Variants in PAQR5 observed in about 807,000 individuals in gnomAD.
The protein encoded by PAQR5 is membrane progestin receptor gamma.
A neutral mutation model predicts 34.5 loss-of-function variants in PAQR5; 20 were observed. That is an observed-to-expected ratio of 0.58 (90% confidence interval 0.41 to 0.84). PAQR5 has a LOEUF of 0.84. PAQR5 is among the 40% of genes least tolerant of loss of function. PAQR5 has a pLI of 0.00. For missense variants in PAQR5, 378 were observed against 412.7 expected, an observed-to-expected ratio of 0.92 and a Z score of 0.73; for synonymous variants, 131 against 155.6, an observed-to-expected ratio of 0.84 and a Z score of 1.18.
intron 3 of PAQR5, among the ~76,000 whole-genome samples, chr15:69,369,013 C>T (rs907921629): frequency 1.4e-4 from 22 of 152,204 alleles, no homozygotes; most frequent in African/African-American, 5.3e-4. Context: ...CTCAAGAAAT[C>T]CACCCACCAC....
At chr15:69,375,590 C>T (rs1029465852) in intron 3 of PAQR5, among the ~76,000 whole-genome samples, 5 of 152,240 alleles carry the variant, frequency 3.3e-5, no homozygotes, top group South Asian at 4.1e-4. Flanking sequence ...CCTCCCCAGG[C>T]GGAGCAATGA....
intron 1 of PAQR5, among the ~76,000 whole-genome samples, chr15:69,324,543 T>C (rs1415959193): frequency 2.0e-5 from 3 of 152,172 alleles, no homozygotes; most frequent in Non-Finnish European, 4.4e-5. Flanking sequence ...GGGTTTGAAA[T>C]TAGGCTGCAT....
chr15:69,399,781 C>T (rs1211568208), intron 7 of PAQR5, among the ~76,000 whole-genome samples, 193 bp from the exon 8 acceptor site: 3 of 152,212 alleles, frequency 2.0e-5, no homozygotes, highest in East Asian at 3.9e-4. Context: ...GCTCTGCTCA[C>T]ATGGTGCCTG....
At position 69,404,241 on chromosome 15, in the gene PAQR5, C is replaced by T. The variant is rs2056718431; in HGVS notation, c.*419C>T. 1 of 173,666 alleles carries T rather than the reference C, an allele frequency of 5.8e-6. No individual in the cohort carries two copies. The highest frequency in any genetic ancestry group is 1.2e-5 in the Non-Finnish European group (1 of 82,278). The allele number at this position is 173,666 out of a possible 1,614,324, so 10.8% of individuals were successfully genotyped here. A position where few individuals can be genotyped will look rare whatever the true frequency, so the allele number is the denominator to read the frequency against. On this transcript the variant is annotated 3_prime_UTR_variant, in exon 9 of 9. Coordinates refer to ENST00000395407, the MANE Select transcript of PAQR5 (RefSeq NM_017705.4). ...AAGAGCTCTCGTAGTGGCCTGTCAA[C>T]CACTTTCGGAGAATGAGCCAGGTCA... is the stretch of plus-strand genomic sequence containing the variant.
At chr15:69,302,600 C>T (rs150783640) in intron 1 of PAQR5, among the ~76,000 whole-genome samples, 2 of 152,324 alleles carry the variant, frequency 1.3e-5, no homozygotes, top group East Asian at 3.9e-4. Context: ...AAATCCACCC[C>T]TCAGTCAGGA....
chr15:69,381,546 C>T (rs1595917270), intron 4 of PAQR5, among the ~76,000 whole-genome samples: 1 of 152,156 alleles, frequency 6.6e-6, no homozygotes, highest in African/African-American at 2.4e-5. Context: ...GCATGGATCC[C>T]TGTAGGGTGA....
At position 69,404,910 on chromosome 15, in the gene PAQR5, C is replaced by T. The variant is rs945034285; in HGVS notation, c.*1088C>T. On this transcript the variant is annotated 3_prime_UTR_variant, in exon 9 of 9. Transcript: ENST00000395407. ...AGAGGAGATCTGCACTGGAGCAAGT[C>T]TCCCAGATGATTCTAATACAGGAGG... 8 of 398,444 alleles carry T rather than the reference C, an allele frequency of 2.0e-5. No homozygotes were observed. Among genetic ancestry groups the T allele is most frequent in the Non-Finnish European group, 3.1e-5 (7 of 226,046 alleles). 24.7% of individuals were successfully genotyped at this position (398,444 alleles called of 1,614,324 possible).
intron 1 of PAQR5, among the ~76,000 whole-genome samples, chr15:69,322,723 A>G (rs1225116695): frequency 4.0e-5 from 1 of 25,120 alleles, no homozygotes; most frequent in Middle Eastern, 0.014. Context: ...GAAGAAGAAG[A>G]AGAAGAAGAA....
chr15:69,364,479 A>AATATATATACATTATATATGTT (rs1206070374), intron 3 of PAQR5, among the ~76,000 whole-genome samples: 2 of 132,118 alleles, frequency 1.5e-5, no homozygotes, highest in African/African-American at 6.4e-5. Flanking sequence ...TTATATATGT[A>AATATATATACATTATATATGTT]ATATATATAC....
chr15:69,349,883 C>T (rs1188648103), intron 2 of PAQR5, among the ~76,000 whole-genome samples: 1 of 152,052 alleles, frequency 6.6e-6, no homozygotes, highest in South Asian at 2.1e-4. Flanking sequence ...CTCAAGTGAT[C>T]GGCCCGCCTT....
chr15:69,382,652 A>ATG (rs2140925471), intron 4 of PAQR5, among the ~76,000 whole-genome samples: 1 of 107,764 alleles, frequency 9.3e-6, no homozygotes, highest in African/African-American at 3.6e-5. Context: ...TCAAAAAAAA[A>ATG]AAAAAGCATA....
chr15:69,331,337 A>G (rs1452737440), intron 1 of PAQR5, among the ~76,000 whole-genome samples: 1 of 152,174 alleles, frequency 6.6e-6, no homozygotes, highest in Non-Finnish European at 1.5e-5. Flanking sequence ...TCTAACTAGT[A>G]AGAAGAGTCT....
At chr15:69,382,459 A>G (rs2055912378) in intron 4 of PAQR5, among the ~76,000 whole-genome samples, 1 of 151,858 alleles carries the variant, frequency 6.6e-6, no homozygotes, top group South Asian at 2.1e-4. Flanking sequence ...ATCCTGGCCA[A>G]CATGGTGAAA....
chr15:69,300,866 T>G lies in PAQR5; in HGVS notation c.-277+1810T>G, dbSNP rs1161949184. Among the ~76,000 whole-genome samples the G allele has an allele frequency of 6.3e-3, 153 of 24,314 alleles. 25 individuals are homozygous for G. Among genetic ancestry groups the G allele is most frequent in the African/African-American group, 0.015 (136 of 8,830 alleles). 16.0% of individuals were successfully genotyped at this position (24,314 alleles called of 152,430 possible). A position where few individuals can be genotyped will look rare whatever the true frequency, so the allele number is the denominator to read the frequency against. ...TTTTCTTTCTTTCTTTCTTTCTTTC[T>G]TTCTTTCTTTCTTTCTTTCTTTCTT... On this transcript the variant is annotated intron_variant, in intron 1 of 8. Coordinates refer to ENST00000395407, the MANE Select transcript of PAQR5 (RefSeq NM_017705.4).
intron 3 of PAQR5, among the ~76,000 whole-genome samples, chr15:69,378,179 C>T (rs895436644): frequency 6.8e-6 from 1 of 147,648 alleles, no homozygotes; most frequent in Non-Finnish European, 1.5e-5. Flanking sequence ...GCAGGAGAAT[C>T]GCTTGAACCC....
rs548696573 is a variant in PAQR5, at chr15:69,326,926, A to C, written c.-276-10415A>C. Among the ~76,000 whole-genome samples the C allele has an allele frequency of 4.8e-5, 7 of 144,554 alleles. No individual in the cohort carries two copies. In the East Asian group the frequency reaches 1.3e-3, roughly 26 times the overall value. The allele number at this position is 144,554 out of a possible 152,430, so 94.8% of individuals were successfully genotyped here. A position where few individuals can be genotyped will look rare whatever the true frequency, so the allele number is the denominator to read the frequency against. On this transcript the variant is annotated intron_variant, in intron 1 of 8. Coordinates refer to ENST00000395407, the MANE Select transcript of PAQR5 (RefSeq NM_017705.4). ...TCCTTTACATTAGGCCTCATGCTTT[A>C]TGTTGTGCATTCTATGGACTTTGAC...
Position 69,405,883 on chromosome 15 carries a change from C to T in PAQR5, c.*2061C>T, listed in dbSNP as rs925462320. ...TTATAAGTTTGGTAAACTTTAGTCCCATTATATACTTTTGGGGACAGTGTT... is the reference window on the plus strand; with the variant it reads ...TTATAAGTTTGGTAAACTTTAGTCCTATTATATACTTTTGGGGACAGTGTT... On this transcript the variant is annotated 3_prime_UTR_variant, in exon 9 of 9. Coordinates refer to ENST00000395407, the MANE Select transcript of PAQR5 (RefSeq NM_017705.4). 3.3e-5 allele frequency: 5 copies of T among 152,134 alleles called. No individual in the cohort carries two copies. Among genetic ancestry groups the T allele is most frequent in the African/African-American group, 1.2e-4 (5 of 41,412 alleles). The allele number at this position is 152,134 out of a possible 1,614,324, so 9.4% of individuals were successfully genotyped here.
intron 3 of PAQR5, among the ~76,000 whole-genome samples, chr15:69,374,633 C>A (rs1003960945): frequency 6.6e-6 from 1 of 152,090 alleles, no homozygotes; most frequent in Non-Finnish European, 1.5e-5. Flanking sequence ...GCCGAGATCG[C>A]GCCACTGCAC....
intron 3 of PAQR5, among the ~76,000 whole-genome samples, chr15:69,371,832 C>T (rs1595905859): frequency 6.6e-6 from 1 of 152,150 alleles, no homozygotes; most frequent in East Asian, 1.9e-4. Context: ...CTTTTGCTAA[C>T]ATTATCTCAT....
Sources: gnomAD v4.1 joint callset for allele counts (sites outside exome capture counted in the v4.1 genomes callset) on GRCh38, gnomAD v4.1.1 for gene constraint, MANE v1.5 for transcripts, NCBI Gene and HGNC (gene_info 2026-07-23, HGNC 2026-07-21) for gene names.